CCDC61: variants seen among roughly 807,000 people sequenced by gnomAD.
CCDC61 encodes centrosomal protein CCDC61.
CCDC61 carries 55 observed loss-of-function variants against 63.0 expected under a neutral mutation model. The observed-to-expected ratio is 0.87, with a 90% CI of 0.70 to 1.09. CCDC61 has a LOEUF of 1.09. CCDC61 is among the 50% of genes least tolerant of loss of function. The pLI is 0.00. For missense variants in CCDC61, 651 were observed against 731.4 expected (o/e 0.89, Z 1.27); for synonymous variants, 270 against 317.0 (o/e 0.85, Z 1.58).
At chr19:46,014,213 ATT>A (rs1201480498) in intron 5 of CCDC61, among the ~76,000 whole-genome samples, 1 of 152,140 alleles carries the variant, frequency 6.6e-6, no homozygotes, top group African/African-American at 2.4e-5. Context: ...AAGTGCTGAG[ATT>A]ACAGGCATGA....
intron 1 of CCDC61, among the ~76,000 whole-genome samples, chr19:45,997,671 G>A (rs1353899455): frequency 6.7e-6 from 1 of 148,838 alleles, no homozygotes; most frequent in Non-Finnish European, 1.5e-5. Context: ...GATTACAGGC[G>A]TGAGCCACTG....
chr19:46,016,022 C>G lies in CCDC61; in HGVS notation c.846-32C>G. On this transcript the variant is annotated intron_variant, in intron 7 of 13. Coordinates refer to ENST00000595358, the MANE Select transcript of CCDC61 (RefSeq NM_001267723.2). This position sits in a 1 kb window ranked among gnomAD's most constrained non-coding sequence, Gnocchi z 7.2. The stretch of plus-strand genomic sequence containing the variant: ...TCGCGATTGAGTTTGTCGGGGCGGG[C>G]GGGAAGCTGACAGCTGCCTCTGTGG... 8.1e-7 allele frequency: 1 copy of G among 1,233,770 alleles called. No individual in the cohort carries two copies. Among genetic ancestry groups the G allele is most frequent in the Non-Finnish European group, 1.0e-6 (1 of 990,078 alleles). The allele number at this position is 1,233,770 out of a possible 1,614,324, so 76.4% of individuals were successfully genotyped here. A position where few individuals can be genotyped will look rare whatever the true frequency, so the allele number is the denominator to read the frequency against.
At chr19:45,996,430 C>CTTT (rs72345627) in intron 1 of CCDC61, 52,675 of 137,666 alleles carry the variant, frequency 0.38, 11,053 homozygotes, top group Non-Finnish European at 0.47. Context: ...TTGGAGTGTT[C>CTTT]TTTTTTTTTT....
At position 46,015,423 on chromosome 19, in the gene CCDC61, A is replaced by T; in HGVS notation, c.841A>T (p.Arg281Trp). ...GACCAGCGAGCTGGCATTGTACAAG[A>T]GGGGGTGAGAGCGAGGCCTGCCAGG... ...TLTSELALYK[R>W]GRRTPPVQPP... Residue 281 changes from arginine to tryptophan, a missense_variant, in exon 7 of 14, where the codon AGG (arginine) becomes TGG (tryptophan). Transcript: ENST00000595358. This position sits in a 1 kb window ranked among gnomAD's most constrained non-coding sequence, Gnocchi z 5.3. 2 of 1,566,016 alleles carry T rather than the reference A, an allele frequency of 1.3e-6. No individual in the cohort carries two copies. The highest frequency in any genetic ancestry group is 2.2e-5 in the South Asian group (2 of 90,022).
intron 1 of CCDC61, among the ~76,000 whole-genome samples, chr19:46,001,440 C>T (rs1361914569): frequency 6.6e-6 from 1 of 152,100 alleles, no homozygotes; most frequent in Admixed American, 6.6e-5. Context: ...TTGGCGAGGC[C>T]GGTCTCGAGC....
At chr19:46,003,949 T>A (rs1417212099) in intron 3 of CCDC61, among the ~76,000 whole-genome samples, 1 of 152,042 alleles carries the variant, frequency 6.6e-6, no homozygotes, top group Non-Finnish European at 1.5e-5. Context: ...TTTGTTTATT[T>A]TTTTTTTGAG....
In CCDC61 at chr19:46,006,605, A is replaced by G. The variant is rs760836365; in HGVS notation, c.278A>G (p.Glu93Gly). 5 of 1,613,490 alleles carry G rather than the reference A, an allele frequency of 3.1e-6. No homozygotes were observed. The South Asian group carries it at 5.5e-5, about 18-fold the overall frequency. Residue 93 changes from glutamate to glycine, a missense_variant, in exon 4 of 14, where the codon GAG becomes GGG. Coordinates refer to ENST00000595358, the MANE Select transcript of CCDC61 (RefSeq NM_001267723.2). ...GACCTGCTGACCTACACAGACCTGG[A>G]GTCCCTGCGGAACCGCAAGATGGGG... ...TLDLLTYTDL[E>G]SLRNRKMGGR...
chr19:46,014,987 C>G, intron 5 of CCDC61, 62 bp from the exon 6 acceptor site: 1 of 1,353,238 alleles, frequency 7.4e-7, no homozygotes, highest in Non-Finnish European at 9.9e-7. Context: ...GTCCCACCCC[C>G]ATGGAGTAGT....
At chr19:46,014,543 T>C in intron 5 of CCDC61, among the ~76,000 whole-genome samples, 1 of 152,220 alleles carries the variant, frequency 6.6e-6, no homozygotes, top group Non-Finnish European at 1.5e-5. Context: ...ATTTCCACTC[T>C]TTTGCTATTA....
Position 46,018,259 on chromosome 19 carries a change from A to G in CCDC61, c.1442-31A>G. The G allele has an allele frequency of 1.3e-6, 2 of 1,551,326 alleles. No individual in the cohort carries two copies. The highest frequency in any genetic ancestry group is 8.7e-7 in the Non-Finnish European group (1 of 1,145,436). ...AACTCCCTGGGGCTTCAGGCCCCTCACAGCCCCCATACCCACACCTGCTCT... is the reference window on the plus strand; with the variant it reads ...AACTCCCTGGGGCTTCAGGCCCCTCGCAGCCCCCATACCCACACCTGCTCT... On this transcript the variant is annotated intron_variant, in intron 13 of 13. Coordinates refer to ENST00000595358, the MANE Select transcript of CCDC61 (RefSeq NM_001267723.2). This position sits in a 1 kb window ranked among gnomAD's most constrained non-coding sequence, Gnocchi z 4.2.
chr19:45,998,395 A>G (rs999322664), intron 1 of CCDC61, among the ~76,000 whole-genome samples: 5 of 152,206 alleles, frequency 3.3e-5, no homozygotes, highest in African/African-American at 1.2e-4. Context: ...TTCCTTGGCC[A>G]TCACTGTGAG....
chr19:46,003,298 G>T lies in CCDC61; in HGVS notation c.149-121G>T, dbSNP rs923136086. 3.5e-6 allele frequency: 5 copies of T among 1,423,624 alleles called. No homozygotes were observed. In the Admixed American group the frequency reaches 6.2e-5, roughly 18 times the overall value. The allele number at this position is 1,423,624 out of a possible 1,614,324, so 88.2% of individuals were successfully genotyped here. On this transcript the variant is annotated intron_variant, in intron 2 of 13. Coordinates refer to ENST00000595358, the MANE Select transcript of CCDC61 (RefSeq NM_001267723.2). ...CAGAAACTCTCCAGTGTGGGGAGGG[G>T]TGTAGGTCTTGTTGCTCAAGCCAGA... is the stretch of plus-strand genomic sequence containing the variant.
At chr19:45,995,907 G>A (rs1402994318) in intron 1 of CCDC61, among the ~76,000 whole-genome samples, 2 of 152,088 alleles carry the variant, frequency 1.3e-5, no homozygotes, top group Non-Finnish European at 2.9e-5. Context: ...GAGGAAGGGA[G>A]GGAAGGAGAC....
chr19:46,014,861 G>A (rs1239730883), intron 5 of CCDC61, among the ~76,000 whole-genome samples, 188 bp from the exon 6 acceptor site: 1 of 152,152 alleles, frequency 6.6e-6, no homozygotes, highest in Non-Finnish European at 1.5e-5. Context: ...GGGGTGATGT[G>A]ACCACATCCC....
chr19:46,003,213 C>T, intron 2 of CCDC61, 47 bp downstream of exon 2: 1 of 1,553,114 alleles, frequency 6.4e-7, no homozygotes, highest in East Asian at 2.3e-5. Context: ...CTCCTGGGAT[C>T]AGCTTCTCCC....
chr19:46,017,982 C>T, intron 12 of CCDC61, 96 bp from the exon 13 acceptor site: 3 of 1,137,286 alleles, frequency 2.6e-6, no homozygotes, highest in Non-Finnish European at 3.7e-6. Context: ...CTTATTTTTC[C>T]CCAAGGTCCT....
chr19:46,010,050 T>C (rs1050999725), intron 5 of CCDC61, among the ~76,000 whole-genome samples: 1 of 152,206 alleles, frequency 6.6e-6, no homozygotes, highest in Admixed American at 6.5e-5. Flanking sequence ...GATTTATTCA[T>C]TCATTGAGCC....
rs186315557 is a variant in CCDC61, at chr19:46,009,844, G to A, written c.551+1543G>A. ...TGTGTGTGTGTGTGTGTGTGCGCGC[G>A]CGTTTGCTCTGTCTCAGGCTGTGTG... is the stretch of plus-strand genomic sequence containing the variant. On this transcript the variant is annotated intron_variant, in intron 5 of 13. Coordinates refer to ENST00000595358, the MANE Select transcript of CCDC61 (RefSeq NM_001267723.2). Among the ~76,000 whole-genome samples, 984 of 129,090 alleles carry A rather than the reference G, an allele frequency of 7.6e-3. 39 individuals carry two copies. The highest frequency in any genetic ancestry group is 0.069 in the Admixed American group (937 of 13,542). The allele number at this position is 129,090 out of a possible 152,430, so 84.7% of individuals were successfully genotyped here. A position where few individuals can be genotyped will look rare whatever the true frequency, so the allele number is the denominator to read the frequency against.
Position 46,016,599 on chromosome 19 carries a change from T to G in CCDC61, c.1092-95T>G. ...CGCTCGTAGGCCTGTCACCTCAGGCTTTCGCTGGCGTGGCTGTGACCTTTA... is the reference window on the plus strand; with the variant it reads ...CGCTCGTAGGCCTGTCACCTCAGGCGTTCGCTGGCGTGGCTGTGACCTTTA... On this transcript the variant is annotated intron_variant, in intron 9 of 13. Coordinates refer to ENST00000595358, the MANE Select transcript of CCDC61 (RefSeq NM_001267723.2). The surrounding 1 kb of genome is among the most constrained non-coding windows in gnomAD (Gnocchi z 7.2). 1 of 1,546,928 alleles carries G rather than the reference T, an allele frequency of 6.5e-7. No homozygotes were observed. The highest frequency in any genetic ancestry group is 2.3e-5 in the East Asian group (1 of 42,798).
Sources: allele counts gnomAD v4.1 joint callset (sites outside exome capture counted in the v4.1 genomes callset), GRCh38; gene constraint gnomAD v4.1.1; non-coding constraint Gnocchi (gnomAD v3.1); transcripts MANE v1.5; gene names NCBI Gene and HGNC (gene_info 2026-07-23, HGNC 2026-07-21).